The following CCDC150 variants were observed in gnomAD, a reference collection of about 807,000 sequenced individuals.
The protein encoded by CCDC150 is coiled-coil domain-containing protein 150.
Under a neutral mutation model 156.5 loss-of-function variants are expected in CCDC150, and 151 were observed. The ratio of observed to expected loss-of-function variants is 0.97; its 90% confidence interval spans 0.85 to 1.10. CCDC150 has a LOEUF of 1.10. CCDC150 is among the 50% of genes least tolerant of loss of function. The pLI is 0.00. For synonymous variants in CCDC150, 452 were observed against 429.4 expected (o/e 1.05, Z -0.65); for missense variants, 1,312 against 1,268.1 (o/e 1.03, Z -0.53).
intron 15 of CCDC150, among the ~76,000 whole-genome samples, chr2:196,705,043 T>C (rs1285376679): frequency 6.6e-6 from 1 of 152,218 alleles, no homozygotes; most frequent in Non-Finnish European, 1.5e-5. Context: ...AGTAGCATGA[T>C]TTATAATCCT....
rs796209793 is a variant in CCDC150 at position 196,682,337 on chromosome 2, A to G, written c.1509+4976A>G. On this transcript the variant is annotated intron_variant, in intron 13 of 27. Transcript: ENST00000389175. ...TCTATATGTCTGTCGTTATGCTAAT[A>G]CCACACAGTCTTGATTACTATTGTT... Among the ~76,000 whole-genome samples the G allele has an allele frequency of 2.6e-5, 4 of 152,196 alleles. No individual in the cohort carries two copies. In the East Asian group the frequency reaches 5.8e-4, roughly 22 times the overall value.
intron 11 of CCDC150, 124 bp downstream of exon 11, chr2:196,676,391 C>G: frequency 7.2e-7 from 1 of 1,382,464 alleles, no homozygotes; most frequent in Non-Finnish European, 9.9e-7. Context: ...GGGCCAGCCA[C>G]AGAGCTAAAA....
At chr2:196,643,815 T>A (rs1692376716) in intron 1 of CCDC150, among the ~76,000 whole-genome samples, 1 of 152,204 alleles carries the variant, frequency 6.6e-6, no homozygotes, top group Non-Finnish European at 1.5e-5. Flanking sequence ...TTCTTCCTTC[T>A]ACTTGTTTTT....
chr2:196,687,364 T>C (rs1394398478), intron 13 of CCDC150, among the ~76,000 whole-genome samples: 2 of 152,250 alleles, frequency 1.3e-5, no homozygotes, highest in African/African-American at 2.4e-5. Flanking sequence ...ATTTCTCTGA[T>C]GTTCAGTGAT....
At chr2:196,721,371 T>A (rs1328076237) in intron 20 of CCDC150, 151 bp from the exon 21 acceptor site, 1 of 321,922 alleles carries the variant, frequency 3.1e-6, no homozygotes, top group African/African-American at 2.2e-5. Context: ...TATATATATT[T>A]TCCAGGCAGC....
At chr2:196,640,581 T>C (rs1026231715) in intron 1 of CCDC150, among the ~76,000 whole-genome samples, 1 of 152,248 alleles carries the variant, frequency 6.6e-6, no homozygotes, top group Non-Finnish European at 1.5e-5. Context: ...AAACTACTCT[T>C]TATCTTTTCC....
At chr2:196,661,901 C>CT (rs1693584600) in intron 5 of CCDC150, among the ~76,000 whole-genome samples, 1 of 152,016 alleles carries the variant, frequency 6.6e-6, no homozygotes, top group Admixed American at 6.5e-5. Context: ...GCTTTCAAGC[C>CT]TACATAATGG....
chr2:196,669,815 T>A lies in CCDC150; in HGVS notation c.893-18T>A. 6.4e-7 allele frequency: 1 copy of A among 1,557,980 alleles called. No homozygotes were observed. The highest frequency in any genetic ancestry group is 8.8e-7 in the Non-Finnish European group (1 of 1,133,182). ...GCAAGTTACTATTATCATAGTTATG[T>A]GGAATTTTTGTTTTTAGCTTCTAGA... On this transcript the variant is annotated intron_variant, in intron 7 of 27. Coordinates refer to ENST00000389175, the MANE Select transcript of CCDC150 (RefSeq NM_001080539.2).
intron 15 of CCDC150, among the ~76,000 whole-genome samples, chr2:196,705,370 T>G (rs1008569374): frequency 2.0e-5 from 3 of 152,258 alleles, no homozygotes; most frequent in Non-Finnish European, 2.9e-5. Flanking sequence ...AACTGTCTGT[T>G]CATATCCTTC....
chr2:196,719,936 C>T (rs921504854), intron 19 of CCDC150, among the ~76,000 whole-genome samples: 2 of 152,100 alleles, frequency 1.3e-5, no homozygotes, highest in Non-Finnish European at 2.9e-5. Context: ...TGTTGTTTTA[C>T]CCTTGCTTTC....
intron 15 of CCDC150, among the ~76,000 whole-genome samples, chr2:196,709,086 C>T (rs1344662643): frequency 1.3e-5 from 2 of 152,142 alleles, no homozygotes; most frequent in Admixed American, 6.5e-5. Flanking sequence ...TGGATAATAT[C>T]CTGAAGAGTG....
At chr2:196,660,047 T>C (rs1314151961) in intron 5 of CCDC150, among the ~76,000 whole-genome samples, 3 of 152,176 alleles carry the variant, frequency 2.0e-5, no homozygotes, top group East Asian at 1.9e-4. Flanking sequence ...AGTCCTGTTA[T>C]TGTTGGAATC....
At chr2:196,722,463 A>T (rs1327106505) in intron 21 of CCDC150, among the ~76,000 whole-genome samples, 1 of 149,504 alleles carries the variant, frequency 6.7e-6, no homozygotes, top group Non-Finnish European at 1.5e-5. Flanking sequence ...TTTTTAAGAG[A>T]TAGGGTTTCT....
At chr2:196,714,458 C>T (rs569363220) in intron 17 of CCDC150, among the ~76,000 whole-genome samples, 115 of 152,240 alleles carry the variant, frequency 7.6e-4, no homozygotes, top group African/African-American at 2.6e-3. Context: ...ATGGTGGAAG[C>T]GGGAGGAGTG....
chr2:196,722,225 A>G (rs1315678689), intron 21 of CCDC150, among the ~76,000 whole-genome samples: 2 of 152,172 alleles, frequency 1.3e-5, no homozygotes, highest in Admixed American at 6.5e-5. Context: ...GCATCCCATG[A>G]AAATTTATAC....
chr2:196,648,087 C>G (rs59490830), intron 2 of CCDC150, among the ~76,000 whole-genome samples: 13,826 of 152,136 alleles, frequency 0.091, 793 homozygotes, highest in African/African-American at 0.17. Flanking sequence ...GTGAATAGTG[C>G]TACAGTGAAC....
intron 21 of CCDC150, among the ~76,000 whole-genome samples, chr2:196,723,610 T>G (rs1431118496): frequency 1.3e-5 from 2 of 152,050 alleles, no homozygotes; most frequent in Non-Finnish European, 2.9e-5. Context: ...GCATTTCAGG[T>G]AGAAGTTGAA....
chr2:196,720,351 T>C (rs1697807239), intron 19 of CCDC150: 4 of 501,218 alleles, frequency 8.0e-6, no homozygotes, highest in Non-Finnish European at 1.5e-5. Flanking sequence ...AAAATACTAT[T>C]CACAATAAAT....
Position 196,729,253 on chromosome 2 carries a change from G to C in CCDC150, c.2617G>C (p.Glu873Gln). The change falls in exon 23 of 28, where the codon GAG becomes CAG. Residue 873 changes from glutamate (E) to glutamine (Q), a missense_variant. Physicochemically the swap from Glu to Gln is conservative, Grantham distance 29. Coordinates refer to ENST00000389175, the MANE Select transcript of CCDC150 (RefSeq NM_001080539.2). ...RSVEVSRTNR[E>Q]LRQKLAELEK... ...AGTGGAAGTGTCCCGGACCAACCGA[G>C]AGCTGCGACAGAAACTTGCAGAGCT... The C allele has an allele frequency of 6.2e-7, 1 of 1,613,906 alleles. No individual in the cohort carries two copies. The highest frequency in any genetic ancestry group is 8.5e-7 in the Non-Finnish European group (1 of 1,179,868).
Sources: allele counts gnomAD v4.1 joint callset (sites outside exome capture counted in the v4.1 genomes callset), GRCh38; gene constraint gnomAD v4.1.1; transcripts MANE v1.5; gene names NCBI Gene and HGNC (gene_info 2026-07-23, HGNC 2026-07-21).